Variants in PPM1H observed in about 807,000 individuals in gnomAD.
PPM1H encodes protein phosphatase, Mg2+/Mn2+ dependent 1H.
A neutral mutation model predicts 54.9 loss-of-function variants in PPM1H; 27 were observed. The observed-to-expected ratio is 0.49, with a 90% CI of 0.36 to 0.68. PPM1H has a LOEUF of 0.68. Among genes scored for constraint, PPM1H ranks in the 30% least tolerant of loss-of-function variants. The pLI, the probability that PPM1H is intolerant of heterozygous loss-of-function variation, is 0.00. For synonymous variants in PPM1H, 305 were observed against 270.8 expected (o/e 1.13, Z -1.24); for missense variants, 596 against 667.8 (o/e 0.89, Z 1.19).
intron 5 of PPM1H, among the ~76,000 whole-genome samples, chr12:62,729,364 T>C (rs892834084): frequency 6.6e-6 from 1 of 151,392 alleles, no homozygotes; most frequent in Non-Finnish European, 1.5e-5. Context: ...GAGAAGAGAG[T>C]GGGGCAGAGA....
At chr12:62,737,618 A>T (rs1244266255) in intron 4 of PPM1H, 32 bp from the exon 5 acceptor site, 1 of 1,365,820 alleles carries the variant, frequency 7.3e-7, no homozygotes, top group South Asian at 1.3e-5. Context: ...GTCAGTAGCC[A>T]ATCTCATAAA....
chr12:62,700,717 A>G (rs545630101), intron 6 of PPM1H, among the ~76,000 whole-genome samples: 1 of 152,284 alleles, frequency 6.6e-6, no homozygotes, highest in African/African-American at 2.4e-5. Context: ...GATGGCAGTG[A>G]GAGTGTTGAA....
chr12:62,927,100 T>A (rs1871992996), intron 1 of PPM1H, among the ~76,000 whole-genome samples: 1 of 152,216 alleles, frequency 6.6e-6, no homozygotes, highest in Non-Finnish European at 1.5e-5. Flanking sequence ...CTGACAAATA[T>A]TAAAGGCTTA....
intron 1 of PPM1H, among the ~76,000 whole-genome samples, chr12:62,864,672 A>G (rs1290338850): frequency 6.6e-6 from 1 of 152,244 alleles, no homozygotes; most frequent in Non-Finnish European, 1.5e-5. Flanking sequence ...TTATCTTCCC[A>G]CTGAGAACTT....
At chr12:62,760,519 T>G (rs2076502353) in intron 4 of PPM1H, among the ~76,000 whole-genome samples, 1 of 152,126 alleles carries the variant, frequency 6.6e-6, no homozygotes, top group African/African-American at 2.4e-5. Flanking sequence ...TCACACCCAG[T>G]CTGGTTTACA....
intron 1 of PPM1H, among the ~76,000 whole-genome samples, chr12:62,858,510 T>C (rs1444077642): frequency 1.3e-5 from 2 of 152,184 alleles, no homozygotes; most frequent in Non-Finnish European, 2.9e-5. Context: ...AGTTTGCTTT[T>C]CAGAAACCAC....
chr12:62,872,300 G>A (rs926835487), intron 1 of PPM1H, among the ~76,000 whole-genome samples: 1 of 152,216 alleles, frequency 6.6e-6, no homozygotes, highest in Admixed American at 6.5e-5. Flanking sequence ...GGTTCTAGAT[G>A]CTACATTACA....
chr12:62,851,260 A>T (rs1022495462), intron 1 of PPM1H, among the ~76,000 whole-genome samples: 1 of 152,208 alleles, frequency 6.6e-6, no homozygotes, highest in African/African-American at 2.4e-5. Context: ...CTCAAAGATA[A>T]TAGGGCATTT....
chr12:62,846,775 T>A (rs1352424455), intron 1 of PPM1H, among the ~76,000 whole-genome samples: 2 of 152,168 alleles, frequency 1.3e-5, no homozygotes, highest in African/African-American at 4.8e-5. Context: ...TAAGGCTATT[T>A]TGCATGCACT....
chr12:62,885,191 G>T (rs1870544783), intron 1 of PPM1H, among the ~76,000 whole-genome samples: 1 of 152,108 alleles, frequency 6.6e-6, no homozygotes, highest in African/African-American at 2.4e-5. Flanking sequence ...ATCTCCCCCT[G>T]GGTCCCTCCC....
intron 3 of PPM1H, among the ~76,000 whole-genome samples, chr12:62,793,097 C>A (rs975724752): frequency 6.6e-6 from 1 of 152,062 alleles, no homozygotes; most frequent in African/African-American, 2.4e-5. Flanking sequence ...AGAATATCTC[C>A]CTATTTTTGC....
intron 6 of PPM1H, among the ~76,000 whole-genome samples, chr12:62,718,732 A>C (rs760837156): frequency 2.0e-4 from 30 of 152,192 alleles, no homozygotes; most frequent in Admixed American, 3.3e-4. Context: ...ACTAGCTCTC[A>C]CATTAAACTT....
At chr12:62,854,614 C>T (rs1176238824) in intron 1 of PPM1H, among the ~76,000 whole-genome samples, 3 of 152,130 alleles carry the variant, frequency 2.0e-5, no homozygotes, top group Non-Finnish European at 2.9e-5. Context: ...GCCTGGCATA[C>T]TGTAGGGCCT....
At chr12:62,706,680 G>A (rs2120406874) in intron 6 of PPM1H, among the ~76,000 whole-genome samples, 1 of 152,328 alleles carries the variant, frequency 6.6e-6, no homozygotes, top group South Asian at 2.1e-4. Context: ...TAGGGGTCAA[G>A]CTCACTTCAG....
intron 4 of PPM1H, among the ~76,000 whole-genome samples, chr12:62,763,986 C>T (rs2076526613): frequency 6.6e-6 from 1 of 152,192 alleles, no homozygotes. Flanking sequence ...GGTCAGGGTG[C>T]TTCTCAGTCC....
At chr12:62,690,268 C>T (rs2076075884) in intron 7 of PPM1H, among the ~76,000 whole-genome samples, 1 of 152,174 alleles carries the variant, frequency 6.6e-6, no homozygotes, top group African/African-American at 2.4e-5. Flanking sequence ...TTGCTCAACA[C>T]CAGCTATGTC....
At chr12:62,927,657 C>A (rs1231073594) in intron 1 of PPM1H, among the ~76,000 whole-genome samples, 1 of 144,014 alleles carries the variant, frequency 6.9e-6, no homozygotes, top group Non-Finnish European at 1.5e-5. Flanking sequence ...AGCGAAACTC[C>A]GTCTCAAAAA....
intron 1 of PPM1H, among the ~76,000 whole-genome samples, chr12:62,867,564 ATTTTTTTTTT>A (rs34772338): frequency 5.1e-3 from 280 of 55,362 alleles, no homozygotes; most frequent in Middle Eastern, 0.016. Context: ...TATGAGCACT[ATTTTTTTTTT>A]TTTTTTTTTT....
intron 1 of PPM1H, among the ~76,000 whole-genome samples, chr12:62,892,675 A>T (rs1870841028): frequency 6.6e-6 from 1 of 152,214 alleles, no homozygotes; most frequent in South Asian, 2.1e-4. Context: ...CATCAACACA[A>T]TTGTTATGTC....
Sources: allele counts gnomAD v4.1 joint callset (sites outside exome capture counted in the v4.1 genomes callset), GRCh38; gene constraint gnomAD v4.1.1; transcripts MANE v1.5; gene names NCBI Gene and HGNC (gene_info 2026-07-23, HGNC 2026-07-21).